The following CCDC171 variants were observed in gnomAD, a reference collection of about 807,000 sequenced individuals.
The protein encoded by CCDC171 is coiled-coil domain containing 171, also known as coiled-coil domain-containing protein 171.
CCDC171 carries 177 observed loss-of-function variants against 168.2 expected under a neutral mutation model. The ratio of observed to expected loss-of-function variants is 1.05; its 90% CI spans 0.93 to 1.19. CCDC171 has a LOEUF of 1.19. CCDC171 is among the 50% of genes most tolerant of loss of function. The pLI is 0.00. For synonymous variants in CCDC171, 687 were observed against 540.8 expected, an observed-to-expected ratio of 1.27 and a Z score of -3.75; for missense variants, 1,991 against 1,539.0, an observed-to-expected ratio of 1.29 and a Z score of -4.91.
At chr9:15,627,813 T>C (rs2045296645) in intron 7 of CCDC171, among the ~76,000 whole-genome samples, 1 of 152,144 alleles carries the variant, frequency 6.6e-6, no homozygotes. Flanking sequence ...GCATGGAGAG[T>C]ACCGTAGATG....
At position 15,598,098 on chromosome 9, in the gene CCDC171, A is replaced by G. The variant is rs2042521319; in HGVS notation, c.675+3926A>G. ...ATTTTGTTGATCTTTTCAAAAAACC[A>G]CCTCCTGGATTCATTGATTTTTTGA... On this transcript the variant is annotated intron_variant, in intron 6 of 25. Transcript: ENST00000380701. Among the ~76,000 whole-genome samples, 6 of 151,766 alleles carry G rather than the reference A, an allele frequency of 4.0e-5. No homozygotes were observed. The South Asian group carries it at 1.3e-3, about 32-fold the overall frequency.
chr9:15,560,538 A>G (rs1010970348), intron 1 of CCDC171, among the ~76,000 whole-genome samples: 3 of 152,160 alleles, frequency 2.0e-5, no homozygotes, highest in East Asian at 3.9e-4. Context: ...AAGCTTGTGC[A>G]TTCGTCACAT....
At chr9:16,012,543 A>ATT (rs202005577) in intron 3 of CCDC171, among the ~76,000 whole-genome samples, 25 of 145,774 alleles carry the variant, frequency 1.7e-4, no homozygotes, top group South Asian at 4.4e-4. Flanking sequence ...TTTCTATTGA[A>ATT]TTTTTTTTTT....
intron 7 of CCDC171, among the ~76,000 whole-genome samples, chr9:15,625,908 G>C (rs10810410): frequency 0.48 from 72,641 of 151,930 alleles, 17,818 homozygotes; most frequent in East Asian, 0.77. Context: ...TTACCTTGGG[G>C]AGTATGGCCA....
chr9:15,572,925 A>G (rs940611562), intron 3 of CCDC171, among the ~76,000 whole-genome samples: 1 of 152,196 alleles, frequency 6.6e-6, no homozygotes, highest in Non-Finnish European at 1.5e-5. Flanking sequence ...TTGAGAGGCC[A>G]AGGTGGGTGG....
intron 3 of CCDC171, 92 bp downstream of exon 3, chr9:15,571,851 A>G (rs937469870): frequency 1.7e-6 from 2 of 1,147,080 alleles, no homozygotes; most frequent in African/African-American, 3.3e-5. Context: ...TAACCTTTAT[A>G]ACTATACCAT....
intron 7 of CCDC171, among the ~76,000 whole-genome samples, chr9:15,642,312 C>G (rs1417803813): frequency 1.1e-5 from 1 of 92,434 alleles, no homozygotes; most frequent in Non-Finnish European, 2.1e-5. Context: ...CATATGTATA[C>G]ACGTATATAT....
At chr9:15,910,122 C>G (rs1274334617) in intron 24 of CCDC171, among the ~76,000 whole-genome samples, 1 of 151,828 alleles carries the variant, frequency 6.6e-6, no homozygotes, top group Non-Finnish European at 1.5e-5. Flanking sequence ...CTGCATAAGA[C>G]ATGAGTTTCC....
chr9:15,892,959 A>G (rs2131523306), intron 24 of CCDC171, among the ~76,000 whole-genome samples: 1 of 152,334 alleles, frequency 6.6e-6, no homozygotes, highest in East Asian at 1.9e-4. Context: ...TGGAACCAAG[A>G]AAGAACCTGA....
intron 11 of CCDC171, among the ~76,000 whole-genome samples, chr9:15,700,998 C>T (rs900618472): frequency 5.9e-5 from 9 of 151,924 alleles, no homozygotes; most frequent in African/African-American, 2.2e-4. Context: ...ATGATTTGAG[C>T]ATTTTAAAAT....
At chr9:15,921,495 C>T (rs936455949) in intron 25 of CCDC171, among the ~76,000 whole-genome samples, 2 of 151,614 alleles carry the variant, frequency 1.3e-5, no homozygotes, top group Non-Finnish European at 3.0e-5. Context: ...TTTGCTCCTT[C>T]CTCAGTAGAA....
At chr9:15,831,981 T>A (rs1440870010) in intron 21 of CCDC171, among the ~76,000 whole-genome samples, 1 of 152,134 alleles carries the variant, frequency 6.6e-6, no homozygotes, top group Non-Finnish European at 1.5e-5. Context: ...TTTTGTCCCC[T>A]GTGCCAGCAT....
In CCDC171 at chr9:15,971,816, C is replaced by G. The variant is rs1168528002; in HGVS notation, c.3961C>G (p.Pro1321Ala). 1.2e-6 allele frequency: 2 copies of G among 1,612,848 alleles called. No individual in the cohort carries two copies. The highest frequency in any genetic ancestry group is 1.3e-5 in the African/African-American group (1 of 74,896). ...GACTATGTCTGCTAATGCCAACAGA[C>G]CAACTCAGATTGGATTATGACTTCA... is the stretch of plus-strand genomic sequence containing the variant. Reference protein sequence around the residue: ...PVTMSANANRPTQIGL With the variant: ...PVTMSANANRATQIGL Residue 1321 changes from proline to alanine, a missense_variant, in exon 26 of 26, where the codon CCA (proline) becomes GCA (alanine). Coordinates refer to ENST00000380701, the MANE Select transcript of CCDC171 (RefSeq NM_173550.4).
chr9:15,644,640 T>G (rs2046894707), intron 7 of CCDC171, among the ~76,000 whole-genome samples: 1 of 152,184 alleles, frequency 6.6e-6, no homozygotes, highest in Non-Finnish European at 1.5e-5. Context: ...GAGCCTCGCT[T>G]ATTGCTAGCA....
intron 3 of CCDC171, 88 bp from the exon 4 acceptor site, chr9:15,578,761 G>T: frequency 9.3e-7 from 1 of 1,077,606 alleles, no homozygotes. Flanking sequence ...ATATATTATG[G>T]AAACAAGTTT....
chr9:15,730,293 C>T (rs1158047868), intron 16 of CCDC171, among the ~76,000 whole-genome samples: 1 of 149,232 alleles, frequency 6.7e-6, no homozygotes, highest in Admixed American at 6.6e-5. Flanking sequence ...AGTTGTAGGC[C>T]ATGTAGCAAA....
downstream of CCDC171, chr9:15,974,047 A>G (rs997662913): frequency 4.6e-5 from 7 of 152,126 alleles, no homozygotes; most frequent in Non-Finnish European, 1.0e-4. Context: ...ATATATGGGT[A>G]TCTAACTTTA....
intron 6 of CCDC171, among the ~76,000 whole-genome samples, 183 bp downstream of exon 6, chr9:15,594,355 T>G (rs1359420315): frequency 6.6e-6 from 1 of 152,146 alleles, no homozygotes; most frequent in Admixed American, 6.6e-5. Flanking sequence ...ATACCATTAG[T>G]GTTTAGAGTT....
chr9:15,636,163 T>C (rs1001875364), intron 7 of CCDC171, among the ~76,000 whole-genome samples: 1 of 152,088 alleles, frequency 6.6e-6, no homozygotes, highest in Non-Finnish European at 1.5e-5. Flanking sequence ...TGTATATATA[T>C]ATATATCTAT....
Sources: allele counts gnomAD v4.1 joint callset (sites outside exome capture counted in the v4.1 genomes callset), GRCh38; gene constraint gnomAD v4.1.1; transcripts MANE v1.5; gene names NCBI Gene and HGNC (gene_info 2026-07-23, HGNC 2026-07-21).